Variants in LIN7A observed in about 807,000 individuals in gnomAD.
LIN7A encodes lin-7 cell polarity scaffold A, also known as protein lin-7 homolog A.
Under a neutral mutation model 29.8 loss-of-function variants are expected in LIN7A, and 25 were observed. The observed-to-expected ratio is 0.84, with a 90% CI of 0.61 to 1.17. The LOEUF (loss-of-function observed/expected upper bound fraction) is 1.17. LIN7A is among the 50% of genes most tolerant of loss of function. The pLI is 0.00. For synonymous variants in LIN7A, 118 were observed against 107.5 expected, an observed-to-expected ratio of 1.10 and a Z score of -0.60; for missense variants, 239 against 287.0, an observed-to-expected ratio of 0.83 and a Z score of 1.21.
At chr12:80,804,079 T>A (rs1234005938) in intron 5 of LIN7A, among the ~76,000 whole-genome samples, 4 of 152,186 alleles carry the variant, frequency 2.6e-5, no homozygotes, top group African/African-American at 9.7e-5. Flanking sequence ...TAAATTTTTT[T>A]AATTTTTAAT....
In LIN7A at chr12:80,854,730, A is replaced by T. The variant is rs139279342; in HGVS notation, c.202-6408T>A. Among the ~76,000 whole-genome samples, 843 of 152,220 alleles carry T rather than the reference A, an allele frequency of 5.5e-3. 4 individuals are homozygous for T. The highest frequency in any genetic ancestry group is 0.015 in the African/African-American group (628 of 41,554). ...CAGCTCTTAGAACAACACACTAAAA[A>T]GTAGAACTATTACTGTCTAAATTAT... On this transcript the variant is annotated intron_variant, in intron 2 of 5. Coordinates refer to ENST00000552864, the MANE Select transcript of LIN7A (RefSeq NM_004664.4).
intron 4 of LIN7A, among the ~76,000 whole-genome samples, chr12:80,829,393 A>G (rs1480693036): frequency 6.6e-6 from 1 of 152,088 alleles, no homozygotes; most frequent in Non-Finnish European, 1.5e-5. Context: ...CTGAAACCCA[A>G]GTTTTCCTTT....
At chr12:80,813,327 C>T (rs1871384906) in intron 4 of LIN7A, among the ~76,000 whole-genome samples, 1 of 152,098 alleles carries the variant, frequency 6.6e-6, no homozygotes, top group Non-Finnish European at 1.5e-5. Flanking sequence ...TCATTTTTAA[C>T]TTAAAAATGA....
chr12:80,807,085 T>TGTTTGTTTGTTTG (rs1871071541), intron 5 of LIN7A, among the ~76,000 whole-genome samples: 1 of 141,436 alleles, frequency 7.1e-6, no homozygotes. Context: ...TTTTTTTTTT[T>TGTTTGTTTGTTTG]TTTTTTGACG....
intron 5 of LIN7A, among the ~76,000 whole-genome samples, chr12:80,809,566 T>A (rs1871191619): frequency 2.6e-5 from 4 of 152,252 alleles, no homozygotes; most frequent in Non-Finnish European, 5.9e-5. Flanking sequence ...AAGAATTCTA[T>A]GTTTCTGTAA....
chr12:80,822,747 G>A (rs1871871536), intron 4 of LIN7A, among the ~76,000 whole-genome samples: 1 of 152,124 alleles, frequency 6.6e-6, no homozygotes, highest in Non-Finnish European at 1.5e-5. Context: ...CTCGGCACAG[G>A]ACTGTAGGTG....
At chr12:80,805,539 G>A (rs1334880258) in intron 5 of LIN7A, among the ~76,000 whole-genome samples, 1 of 152,074 alleles carries the variant, frequency 6.6e-6, no homozygotes, top group African/African-American at 2.4e-5. Flanking sequence ...GGAGGTCAGG[G>A]ACACGATTTT....
At chr12:80,886,968 G>T (rs548355029) in intron 2 of LIN7A, among the ~76,000 whole-genome samples, 2 of 152,084 alleles carry the variant, frequency 1.3e-5, no homozygotes, top group African/African-American at 4.8e-5. Context: ...TTCAGACTTA[G>T]ATGCCTGTTA....
At chr12:80,868,846 C>G (rs143495062) in intron 2 of LIN7A, among the ~76,000 whole-genome samples, 1 of 152,152 alleles carries the variant, frequency 6.6e-6, no homozygotes, top group East Asian at 1.9e-4. Flanking sequence ...GGTGGGGGGG[C>G]CCATATCAGA....
At chr12:80,922,417 C>T (rs770215350) in intron 1 of LIN7A, among the ~76,000 whole-genome samples, 2 of 152,184 alleles carry the variant, frequency 1.3e-5, no homozygotes, top group African/African-American at 4.8e-5. Context: ...GGAAAGAAGA[C>T]TTGGGGCACT....
chr12:80,859,683 G>A (rs529799281), intron 2 of LIN7A, among the ~76,000 whole-genome samples: 1 of 151,820 alleles, frequency 6.6e-6, no homozygotes, highest in African/African-American at 2.4e-5. Context: ...TTATATTTAG[G>A]GGAAAACAAA....
intron 4 of LIN7A, among the ~76,000 whole-genome samples, chr12:80,818,332 A>G (rs1413628512): frequency 2.0e-5 from 3 of 152,158 alleles, no homozygotes; most frequent in African/African-American, 7.2e-5. Context: ...GCATGTGTGT[A>G]TATGTATACT....
intron 2 of LIN7A, among the ~76,000 whole-genome samples, chr12:80,853,367 TA>T (rs1013632708): frequency 1.7e-4 from 25 of 151,038 alleles, no homozygotes; most frequent in African/African-American, 4.1e-4. Context: ...AAAACACTGT[TA>T]AAAAAAATGA....
intron 1 of LIN7A, among the ~76,000 whole-genome samples, chr12:80,928,833 A>C (rs1877740504): frequency 6.6e-6 from 1 of 152,078 alleles, no homozygotes. Context: ...TTTAGGTCTT[A>C]CATTTAAGTC....
chr12:80,909,913 T>A lies in LIN7A; in HGVS notation c.83-20544A>T, dbSNP rs553553008. Among the ~76,000 whole-genome samples, 404 of 151,862 alleles carry A rather than the reference T, an allele frequency of 2.7e-3. 1 individual carries two copies. Among genetic ancestry groups the A allele is most frequent in the African/African-American group, 9.2e-3 (381 of 41,484 alleles). Reference sequence around the variant, plus strand: ...GCATTTTAATTGAGATTGTCTTACATCTCTGTATTAGGTTACTGTGAAAGT... The same window carrying A: ...GCATTTTAATTGAGATTGTCTTACAACTCTGTATTAGGTTACTGTGAAAGT... On this transcript the variant is annotated intron_variant, in intron 1 of 5. Transcript: ENST00000552864.
At chr12:80,847,145 T>C (rs548557749) in intron 3 of LIN7A, among the ~76,000 whole-genome samples, 16 of 152,224 alleles carry the variant, frequency 1.1e-4, no homozygotes, top group Non-Finnish European at 2.2e-4. Context: ...ATGGATGCAA[T>C]GCAGACAGCC....
intron 1 of LIN7A, among the ~76,000 whole-genome samples, chr12:80,924,448 T>C (rs1326397921): frequency 1.3e-5 from 2 of 152,236 alleles, no homozygotes; most frequent in African/African-American, 2.4e-5. Context: ...ACTATGGACC[T>C]GGTCGTGTTC....
intron 2 of LIN7A, among the ~76,000 whole-genome samples, chr12:80,848,644 A>T (rs190474143): frequency 6.6e-6 from 1 of 152,102 alleles, no homozygotes; most frequent in South Asian, 2.1e-4. Context: ...AAAAAAAAAA[A>T]CTTAAAGGAT....
chr12:80,926,296 G>A (rs924448389), intron 1 of LIN7A, among the ~76,000 whole-genome samples: 1 of 152,066 alleles, frequency 6.6e-6, no homozygotes, highest in East Asian at 1.9e-4. Context: ...CATACAGAAG[G>A]CATTCAAAAA....
Sources: gnomAD v4.1 joint callset for allele counts (sites outside exome capture counted in the v4.1 genomes callset) on GRCh38, gnomAD v4.1.1 for gene constraint, MANE v1.5 for transcripts, NCBI Gene and HGNC (gene_info 2026-07-23, HGNC 2026-07-21) for gene names.